The following NBAS variants were observed in gnomAD, a reference collection of about 807,000 sequenced individuals.
The protein encoded by NBAS is NBAS subunit of NRZ tethering complex.
Under a neutral mutation model 302.5 loss-of-function variants are expected in NBAS, and 219 were observed. That is an observed-to-expected ratio of 0.72 (90% CI 0.65 to 0.81). NBAS has a LOEUF of 0.81. NBAS is among the 30% of genes least tolerant of loss of function. The pLI is 0.00. For synonymous variants in NBAS, 1,118 were observed against 1,021.6 expected, an observed-to-expected ratio of 1.09 and a Z score of -1.80; for missense variants, 2,932 against 2,841.6, an observed-to-expected ratio of 1.03 and a Z score of -0.72.
chr2:14,876,109 G>A, the NBAS span, among the ~76,000 whole-genome samples: 74 of 152,140 alleles, frequency 4.9e-4, 1 homozygote, highest in African/African-American at 1.4e-3. Flanking sequence ...AATGGATTGC[G>A]CTGTTTTTTA....
At chr2:15,307,310 T>C (rs1671075931) in intron 40 of NBAS, among the ~76,000 whole-genome samples, 2 of 152,174 alleles carry the variant, frequency 1.3e-5, no homozygotes, top group African/African-American at 4.8e-5. Context: ...AAAGGTGGGA[T>C]AGAATTGAAC....
At chr2:14,907,868 C>G in the NBAS span, among the ~76,000 whole-genome samples, 5 of 152,200 alleles carry the variant, frequency 3.3e-5, no homozygotes, top group Non-Finnish European at 7.3e-5. Flanking sequence ...TCTCTGTACC[C>G]GAACCCACTT....
At chr2:15,507,788 G>C (rs145608318) in intron 10 of NBAS, among the ~76,000 whole-genome samples, 1 of 152,276 alleles carries the variant, frequency 6.6e-6, no homozygotes, top group East Asian at 1.9e-4. Flanking sequence ...CTAATACCTG[G>C]AGCAGTGATT....
chr2:14,909,238 T>C, the NBAS span, among the ~76,000 whole-genome samples: 5 of 147,608 alleles, frequency 3.4e-5, no homozygotes, highest in African/African-American at 1.3e-4. Flanking sequence ...GAGAATGGCG[T>C]GAATCCGGGA....
chr2:15,000,862 T>C, the NBAS span, among the ~76,000 whole-genome samples: 5 of 152,186 alleles, frequency 3.3e-5, no homozygotes, highest in African/African-American at 1.2e-4. Context: ...TTGGCAGTCA[T>C]GTTCTCACAG....
chr2:15,187,777 A>T (rs1468533339), intron 49 of NBAS, among the ~76,000 whole-genome samples: 4 of 152,328 alleles, frequency 2.6e-5, no homozygotes, highest in Non-Finnish European at 5.9e-5. Context: ...ACATTGAACA[A>T]CCAGGGATGG....
intron 21 of NBAS, among the ~76,000 whole-genome samples, chr2:15,440,790 C>T (rs1190661363): frequency 6.6e-6 from 1 of 151,918 alleles, no homozygotes; most frequent in Non-Finnish European, 1.5e-5. Context: ...ACTAGAATAA[C>T]CAATACAGAG....
At chr2:15,412,565 A>G (rs1676732728) in intron 25 of NBAS, among the ~76,000 whole-genome samples, 1 of 152,230 alleles carries the variant, frequency 6.6e-6, no homozygotes, top group South Asian at 2.1e-4. Context: ...TACTAAAAAT[A>G]CTTTGTGCAT....
chr2:15,222,331 G>A (rs1666981207), intron 47 of NBAS, among the ~76,000 whole-genome samples: 2 of 152,106 alleles, frequency 1.3e-5, no homozygotes, highest in Non-Finnish European at 2.9e-5. Flanking sequence ...GCCCATTTCT[G>A]ACTATAAGTC....
At chr2:15,375,084 A>C (rs1170318357) in intron 30 of NBAS, among the ~76,000 whole-genome samples, 1 of 152,216 alleles carries the variant, frequency 6.6e-6, no homozygotes, top group Non-Finnish European at 1.5e-5. Flanking sequence ...TAAAGGATGA[A>C]GTTCAGATAA....
the NBAS span, among the ~76,000 whole-genome samples, chr2:14,824,721 G>C: frequency 1.3e-5 from 2 of 152,092 alleles, no homozygotes; most frequent in Non-Finnish European, 2.9e-5. Context: ...AACATCACTG[G>C]AATTCCAAAC....
At chr2:15,204,302 C>T (rs1034974694) in intron 48 of NBAS, among the ~76,000 whole-genome samples, 30 of 152,104 alleles carry the variant, frequency 2.0e-4, no homozygotes, top group African/African-American at 6.7e-4. Flanking sequence ...TATCAGTACT[C>T]TTACTTGAAG....
At chr2:14,866,242 AT>A in the NBAS span, among the ~76,000 whole-genome samples, 9 of 152,138 alleles carry the variant, frequency 5.9e-5, no homozygotes, top group Non-Finnish European at 1.3e-4. Context: ...TGCCCTTGCA[AT>A]TAGTGACTAG....
chr2:14,792,363 G>C, the NBAS span, among the ~76,000 whole-genome samples: 1 of 152,204 alleles, frequency 6.6e-6, no homozygotes, highest in Non-Finnish European at 1.5e-5. Context: ...GTGGTCTACA[G>C]TTGGGCAAAA....
At chr2:14,998,715 T>TACAC in the NBAS span, among the ~76,000 whole-genome samples, 1 of 151,850 alleles carries the variant, frequency 6.6e-6, no homozygotes, top group Non-Finnish European at 1.5e-5. Flanking sequence ...GTGTCTCACA[T>TACAC]ACACACACAC....
chr2:14,965,678 G>C, the NBAS span, among the ~76,000 whole-genome samples: 1 of 152,002 alleles, frequency 6.6e-6, no homozygotes, highest in African/African-American at 2.4e-5. Flanking sequence ...CATTCTGTGA[G>C]TCTAGCATTG....
intron 3 of NBAS, among the ~76,000 whole-genome samples, chr2:15,554,679 A>G (rs1409546156): frequency 1.3e-5 from 2 of 150,190 alleles, no homozygotes; most frequent in Non-Finnish European, 3.0e-5. Flanking sequence ...GACTCCTGCA[A>G]AGGCCAGGAT....
chr2:14,964,830 A>G, the NBAS span, among the ~76,000 whole-genome samples: 38 of 152,314 alleles, frequency 2.5e-4, no homozygotes, highest in African/African-American at 8.9e-4. Context: ...TAAGTCACAC[A>G]AAGTATGTTG....
the NBAS span, among the ~76,000 whole-genome samples, chr2:14,976,455 C>G: frequency 6.6e-6 from 1 of 152,096 alleles, no homozygotes; most frequent in Non-Finnish European, 1.5e-5. Flanking sequence ...ACCTGCTGAC[C>G]AAAGTAGATG....
Sources: gnomAD v4.1 joint callset for allele counts (sites outside exome capture counted in the v4.1 genomes callset) on GRCh38, gnomAD v4.1.1 for gene constraint, MANE v1.5 for transcripts, NCBI Gene and HGNC (gene_info 2026-07-23, HGNC 2026-07-21) for gene names.